The following MYCBP2 variants were observed in gnomAD, a reference collection of about 807,000 sequenced individuals.
The protein encoded by MYCBP2 is E3 ubiquitin-protein ligase MYCBP2.
Under a neutral mutation model 525.3 loss-of-function variants are expected in MYCBP2, and 120 were observed. The observed-to-expected ratio is 0.23, with a 90% CI of 0.20 to 0.27. The LOEUF is 0.27. Ranked by LOEUF, MYCBP2 falls within the 10% of genes least tolerant of loss-of-function variation. The pLI, the probability that MYCBP2 is intolerant of heterozygous loss-of-function variation, is 1.00. For synonymous variants in MYCBP2, 1,894 were observed against 1,955.8 expected, an observed-to-expected ratio of 0.97 and a Z score of 0.83; for missense variants, 4,149 against 5,657.1, an observed-to-expected ratio of 0.73 and a Z score of 8.55.
chr13:77,238,595 T>C (rs532440772), intron 17 of MYCBP2, among the ~76,000 whole-genome samples: 1 of 152,202 alleles, frequency 6.6e-6, no homozygotes, highest in Non-Finnish European at 1.5e-5. Flanking sequence ...TCACAAACCA[T>C]TGAACTAAAA....
chr13:77,184,284 GTGCTTTTTCTGGATATCCTT>G (rs914201401), intron 32 of MYCBP2, among the ~76,000 whole-genome samples: 2 of 151,988 alleles, frequency 1.3e-5, no homozygotes, highest in Non-Finnish European at 2.9e-5. Flanking sequence ...CAAATGTTTG[GTGCTTTTTCTGGATATCCTT>G]TGCTATTGAT....
chr13:77,246,672 CA>C (rs748796021), intron 15 of MYCBP2, among the ~76,000 whole-genome samples: 1,801 of 107,018 alleles, frequency 0.017, 9 homozygotes, highest in African/African-American at 0.026. Context: ...CAGGGGGAGG[CA>C]AAAAAAAAAA....
Position 77,097,471 on chromosome 13 carries a change from G to A in MYCBP2, c.9683C>T (p.Ala3228Val). 1 of 1,613,378 alleles carries A rather than the reference G, an allele frequency of 6.2e-7. No individual in the cohort carries two copies. The highest frequency in any genetic ancestry group is 8.5e-7 in the Non-Finnish European group (1 of 1,179,716). Residue 3228 changes from alanine (A) to valine (V), a missense_variant, in exon 56 of 83, where the codon GCC becomes GTC. By Grantham distance (64) the Ala-to-Val change is moderately conservative. Around this residue, in one of 21 missense-constraint regions of MYCBP2, gnomAD observed 653 missense variants for 744.7 expected, o/e 0.88. Transcript: ENST00000544440. ...CTCTGGTCCTCCTACTGCCAGCTGG[G>A]CCATCTCTCCAAACAAATTACCCCT... ...RPRGNLFGEM[A>V]QLAVGGPEKD...
intron 26 of MYCBP2, among the ~76,000 whole-genome samples, chr13:77,202,133 T>C (rs903924777): frequency 9.2e-5 from 14 of 152,018 alleles, no homozygotes; most frequent in African/African-American, 2.9e-4. Context: ...ACAAAATTGA[T>C]AGACCGCTAA....
chr13:77,252,528 A>C (rs1282083812), intron 14 of MYCBP2, among the ~76,000 whole-genome samples: 2 of 152,192 alleles, frequency 1.3e-5, no homozygotes, highest in African/African-American at 4.8e-5. Context: ...GTGGGAGTCA[A>C]GTAATTATTT....
At chr13:77,061,409 C>CT in intron 75 of MYCBP2, 108 bp from the exon 76 acceptor site, 3 of 1,036,774 alleles carry the variant, frequency 2.9e-6, no homozygotes, top group African/African-American at 1.6e-5. Flanking sequence ...TTTAAGCACT[C>CT]TAAGAAGTTT....
In MYCBP2 at chr13:77,269,984, T is replaced by A; in HGVS notation, c.1260+8A>T. 1 of 1,605,346 alleles carries A rather than the reference T, an allele frequency of 6.2e-7. No individual in the cohort carries two copies. Among genetic ancestry groups the A allele is most frequent in the Non-Finnish European group, 8.5e-7 (1 of 1,177,354 alleles). The stretch of plus-strand genomic sequence containing the variant: ...GAAAATTTTGGTTTATTGTGGATAG[T>A]TTCTTACCTGAGCATACCCTAACCA... On this transcript the variant is annotated splice_region_variant and intron_variant, in intron 7 of 82. Transcript: ENST00000544440.
At chr13:77,048,709 T>TAAAAATG (rs1185958079) in intron 82 of MYCBP2, among the ~76,000 whole-genome samples, 2 of 152,252 alleles carry the variant, frequency 1.3e-5, no homozygotes, top group African/African-American at 4.8e-5. Flanking sequence ...AGCAAATATG[T>TAAAAATG]GTGAAAATGC....
intron 68 of MYCBP2, among the ~76,000 whole-genome samples, chr13:77,072,269 C>T (rs908652996): frequency 6.7e-5 from 9 of 134,664 alleles, no homozygotes; most frequent in Admixed American, 8.4e-5. Context: ...CCAGCCTGGG[C>T]GACAGGGCAA....
At chr13:77,093,687 CATG>C in intron 58 of MYCBP2, among the ~76,000 whole-genome samples, 1 of 152,232 alleles carries the variant, frequency 6.6e-6, no homozygotes, top group South Asian at 2.1e-4. Context: ...CTTTCAAGCC[CATG>C]ATATTAGGTT....
At chr13:77,050,309 T>C (rs1183860953) in intron 82 of MYCBP2, among the ~76,000 whole-genome samples, 2 of 152,172 alleles carry the variant, frequency 1.3e-5, no homozygotes, top group East Asian at 3.9e-4. Context: ...TATTGTGTTG[T>C]ATGTACTTGT....
Position 77,254,644 on chromosome 13 carries a change from T to C in MYCBP2, c.2176+3027A>G, listed in dbSNP as rs1019569361. Among the ~76,000 whole-genome samples, 3 of 151,880 alleles carry C rather than the reference T, an allele frequency of 2.0e-5. No individual in the cohort carries two copies. The East Asian group carries it at 5.8e-4, about 29-fold the overall frequency. ...ATTCTCTCTTCTAGCTATTTTGAAATACACAATATATTGTTGTTAACGACA... is the reference window on the plus strand; with the variant it reads ...ATTCTCTCTTCTAGCTATTTTGAAACACACAATATATTGTTGTTAACGACA... On this transcript the variant is annotated intron_variant, in intron 14 of 82. Coordinates refer to ENST00000544440, the MANE Select transcript of MYCBP2 (RefSeq NM_015057.5).
At chr13:77,264,617 C>T (rs1323624717) in intron 8 of MYCBP2, among the ~76,000 whole-genome samples, 2 of 152,126 alleles carry the variant, frequency 1.3e-5, no homozygotes, top group South Asian at 4.1e-4. Context: ...TATCTCAAAG[C>T]AGTCATGTAT....
At chr13:77,274,550 T>G (rs188921445) in intron 4 of MYCBP2, among the ~76,000 whole-genome samples, 12 of 152,252 alleles carry the variant, frequency 7.9e-5, no homozygotes, top group Admixed American at 6.5e-4. Flanking sequence ...CTCTAAAAAC[T>G]AAAATGCCAC....
rs1555470570 is a variant in MYCBP2 at position 77,301,448 on chromosome 13, A to AAAC, written c.303-4775_303-4774insGTT. Among the ~76,000 whole-genome samples the AAAC allele has an allele frequency of 1.1e-4, 12 of 113,932 alleles. 1 individual carries two copies. The highest frequency in any genetic ancestry group is 1.9e-4 in the Admixed American group (2 of 10,570). The allele number at this position is 113,932 out of a possible 152,430, so 74.7% of individuals were successfully genotyped here. On this transcript the variant is annotated intron_variant, in intron 1 of 82. Coordinates refer to ENST00000544440, the MANE Select transcript of MYCBP2 (RefSeq NM_015057.5). Reference sequence around the variant, plus strand: ...AAAAAAAAAAAAAAAAAAAAAAAAAAAGAGGCTGGGTCAAAAGGGAAGAGA... The same window carrying AAAC: ...AAAAAAAAAAAAAAAAAAAAAAAAAAAACAGAGGCTGGGTCAAAAGGGAAGAGA...
At chr13:77,065,333 C>A (rs1279460746) in intron 72 of MYCBP2, among the ~76,000 whole-genome samples, 2 of 152,180 alleles carry the variant, frequency 1.3e-5, no homozygotes, top group African/African-American at 4.8e-5. Context: ...ATCTTTCCCC[C>A]AGAAAATCCT....
At chr13:77,068,409 A>C (rs1466112357) in intron 70 of MYCBP2, among the ~76,000 whole-genome samples, 156 bp downstream of exon 70, 23 of 143,322 alleles carry the variant, frequency 1.6e-4, no homozygotes, top group Non-Finnish European at 6.1e-5. Flanking sequence ...TATAAACAGT[A>C]AAAAAGGGAG....
chr13:77,262,542 G>A (rs781139453), intron 10 of MYCBP2, among the ~76,000 whole-genome samples: 5 of 151,942 alleles, frequency 3.3e-5, no homozygotes, highest in Non-Finnish European at 7.4e-5. Context: ...CATATATAAA[G>A]GTTGGAGAGG....
intron 17 of MYCBP2, among the ~76,000 whole-genome samples, chr13:77,240,725 T>G (rs2068693007): frequency 6.6e-6 from 1 of 152,240 alleles, no homozygotes; most frequent in Non-Finnish European, 1.5e-5. Flanking sequence ...CGCATGATTC[T>G]AGGTAACTGT....
Sources: gnomAD v4.1 joint callset for allele counts (sites outside exome capture counted in the v4.1 genomes callset) on GRCh38, gnomAD v4.1.1 for gene constraint, gnomAD v4.1.1 regional missense constraint, MANE v1.5 for transcripts, NCBI Gene and HGNC (gene_info 2026-07-23, HGNC 2026-07-21) for gene names.